The following PID1 variants were observed in gnomAD, a reference collection of about 807,000 sequenced individuals.
PID1 encodes phosphotyrosine interaction domain containing 1, also known as PTB-containing, cubilin and LRP1-interacting protein.
Under a neutral mutation model 19.1 loss-of-function variants are expected in PID1, and 10 were observed. The ratio of observed to expected loss-of-function variants is 0.52; its 90% CI spans 0.32 to 0.89. PID1 has a LOEUF of 0.89. PID1 is among the 40% of genes least tolerant of loss of function. The probability of loss-of-function intolerance (pLI) is 0.03; values close to 1 mark genes in which losing one functional copy is unlikely to be tolerated. For missense variants in PID1, 248 were observed against 285.3 expected, an observed-to-expected ratio of 0.87 and a Z score of 0.94; for synonymous variants, 130 against 116.0, an observed-to-expected ratio of 1.12 and a Z score of -0.78.
intron 1 of PID1, among the ~76,000 whole-genome samples, chr2:229,175,334 T>A (rs906678780): frequency 4.6e-5 from 7 of 151,426 alleles, no homozygotes; most frequent in Non-Finnish European, 1.0e-4. Context: ...TATGTTCAAA[T>A]ACCAAGAAAC....
chr2:229,131,377 T>A (rs1689737266), intron 2 of PID1, among the ~76,000 whole-genome samples: 1 of 151,958 alleles, frequency 6.6e-6, no homozygotes, highest in Non-Finnish European at 1.5e-5. Context: ...ACTACAGGCA[T>A]GTGCCACCAC....
chr2:229,079,480 A>T (rs1694627789), intron 2 of PID1, among the ~76,000 whole-genome samples: 1 of 152,192 alleles, frequency 6.6e-6, no homozygotes, highest in Non-Finnish European at 1.5e-5. Flanking sequence ...TCTTTCCTTA[A>T]GCTGCTATAC....
intron 1 of PID1, among the ~76,000 whole-genome samples, chr2:229,197,681 T>G (rs1691406492): frequency 6.6e-6 from 1 of 151,962 alleles, no homozygotes; most frequent in African/African-American, 2.4e-5. Context: ...AAGTAAAAAT[T>G]TCTTACTAAA....
At chr2:229,040,386 GA>G (rs1693747707) in intron 2 of PID1, among the ~76,000 whole-genome samples, 1 of 152,112 alleles carries the variant, frequency 6.6e-6, no homozygotes, top group South Asian at 2.1e-4. Context: ...TAGGGGAAGT[GA>G]AAGTGTATAT....
chr2:229,141,877 T>C (rs538817090), intron 2 of PID1, among the ~76,000 whole-genome samples: 1 of 151,654 alleles, frequency 6.6e-6, no homozygotes, highest in East Asian at 1.9e-4. Flanking sequence ...GAAACGAATG[T>C]ATATTTTCAT....
Position 229,106,077 on chromosome 2 carries a change from C to CAAAAAAAAAA in PID1, c.177+49731_177+49740dup, listed in dbSNP as rs10664324. On this transcript the variant is annotated intron_variant, in intron 2 of 2. Coordinates refer to ENST00000392055, the MANE Select transcript of PID1 (RefSeq NM_001100818.2). ...CCTGGGCAACAGAGCGAGATTCCGT[C>CAAAAAAAAAA]AAAAAAAAAAAAGGGAAAAGAAGAA... is the stretch of plus-strand genomic sequence containing the variant. Among the ~76,000 whole-genome samples the CAAAAAAAAAA allele has an allele frequency of 1.1e-4, 14 of 122,126 alleles. 1 individual carries two copies. Among genetic ancestry groups the CAAAAAAAAAA allele is most frequent in the Admixed American group, 3.6e-4 (4 of 11,138 alleles). 80.1% of individuals were successfully genotyped at this position (122,126 alleles called of 152,430 possible). A position where few individuals can be genotyped will look rare whatever the true frequency, so the allele number is the denominator to read the frequency against.
At chr2:229,143,638 C>A (rs1167170017) in intron 2 of PID1, among the ~76,000 whole-genome samples, 1 of 152,134 alleles carries the variant, frequency 6.6e-6, no homozygotes, top group East Asian at 1.9e-4. Flanking sequence ...GCTGTGTCCC[C>A]ATCCAAATCT....
At chr2:229,116,094 G>A (rs1031042912) in intron 2 of PID1, among the ~76,000 whole-genome samples, 2 of 152,098 alleles carry the variant, frequency 1.3e-5, no homozygotes, top group Admixed American at 1.3e-4. Flanking sequence ...GGGCATGGTG[G>A]TGGGTGCCTG....
At chr2:229,177,136 A>G (rs776862304) in intron 1 of PID1, among the ~76,000 whole-genome samples, 7 of 152,146 alleles carry the variant, frequency 4.6e-5, no homozygotes, top group African/African-American at 9.7e-5. Flanking sequence ...CTACCACAAG[A>G]ATAGCATGGT....
In PID1 at chr2:229,220,594, C is replaced by G. The variant is rs113803156; in HGVS notation, c.30+50420G>C. 3.2e-3 allele frequency among the ~76,000 whole-genome samples: 491 copies of G among 152,192 alleles called. 4 individuals carry two copies. Among genetic ancestry groups the G allele is most frequent in the African/African-American group, 0.011 (439 of 41,558 alleles). ...AGCAGGCAGGGCCCAGCCTGGCAAA[C>G]AAGGAGGTGATTCTATGAGTTCAGT... On this transcript the variant is annotated intron_variant, in intron 1 of 2. Transcript: ENST00000392055.
intron 1 of PID1, among the ~76,000 whole-genome samples, chr2:229,235,071 G>C (rs1359108112): frequency 6.6e-6 from 1 of 152,038 alleles, no homozygotes; most frequent in East Asian, 1.9e-4. Flanking sequence ...TCCCTCTCCA[G>C]TGTTTCCTCC....
chr2:229,201,137 T>C (rs1035538296), intron 1 of PID1, among the ~76,000 whole-genome samples: 2 of 152,104 alleles, frequency 1.3e-5, no homozygotes, highest in African/African-American at 4.8e-5. Context: ...TAACTTAAAA[T>C]TTAATATCTT....
At chr2:229,035,994 T>C (rs1396505579) in intron 2 of PID1, among the ~76,000 whole-genome samples, 1 of 152,188 alleles carries the variant, frequency 6.6e-6, no homozygotes, top group Admixed American at 6.5e-5. Flanking sequence ...ATCATATTCC[T>C]AAAGAACTCT....
intron 2 of PID1, among the ~76,000 whole-genome samples, chr2:229,151,717 C>CCCA (rs1391341775): frequency 6.6e-6 from 1 of 151,614 alleles, no homozygotes; most frequent in Non-Finnish European, 1.5e-5. Flanking sequence ...ACGACAGGTG[C>CCCA]CCACCACCAC....
chr2:229,028,207 A>G (rs899593594), intron 2 of PID1, among the ~76,000 whole-genome samples: 2 of 152,234 alleles, frequency 1.3e-5, no homozygotes, highest in Non-Finnish European at 2.9e-5. Context: ...ATACTTGCAT[A>G]TACATAATGA....
chr2:229,113,060 C>A (rs1020275657), intron 2 of PID1, among the ~76,000 whole-genome samples: 14 of 152,040 alleles, frequency 9.2e-5, no homozygotes, highest in African/African-American at 2.9e-4. Flanking sequence ...AAAGTAGGAA[C>A]GTCTCCTAGA....
At chr2:229,176,869 C>T (rs564287439) in intron 1 of PID1, among the ~76,000 whole-genome samples, 2 of 152,280 alleles carry the variant, frequency 1.3e-5, no homozygotes, top group South Asian at 4.1e-4. Context: ...GGTTCCACCT[C>T]TTACTAGATG....
chr2:229,265,041 T>G (rs1017228106), intron 1 of PID1, among the ~76,000 whole-genome samples: 1 of 152,196 alleles, frequency 6.6e-6, no homozygotes, highest in Non-Finnish European at 1.5e-5. Context: ...ATTTTACAGA[T>G]AGGGAAAGCA....
chr2:229,210,816 T>C (rs573627100), intron 1 of PID1, among the ~76,000 whole-genome samples: 11 of 152,276 alleles, frequency 7.2e-5, no homozygotes, highest in Admixed American at 2.6e-4. Context: ...AGCGGTCCCC[T>C]CCAGGGGAGA....
Sources: allele counts gnomAD v4.1 joint callset (sites outside exome capture counted in the v4.1 genomes callset), GRCh38; gene constraint gnomAD v4.1.1; transcripts MANE v1.5; gene names NCBI Gene and HGNC (gene_info 2026-07-23, HGNC 2026-07-21).